MPPED1: variants seen among roughly 807,000 people sequenced by gnomAD.
MPPED1 encodes the protein metallophosphoesterase domain containing 1.
Under a neutral mutation model 36.2 loss-of-function variants are expected in MPPED1, and 16 were observed. That is an observed-to-expected ratio of 0.44 (90% confidence interval 0.30 to 0.67). MPPED1 has a LOEUF of 0.67. MPPED1 is among the 30% of genes least tolerant of loss of function. MPPED1 has a pLI of 0.10. For synonymous variants in MPPED1, 199 were observed against 191.3 expected (o/e 1.04, Z -0.33); for missense variants, 307 against 453.4 (o/e 0.68, Z 2.93).
At chr22:43,475,488 A>ATGGTGG (rs1931518489) in intron 4 of MPPED1, among the ~76,000 whole-genome samples, 1 of 3,420 alleles carries the variant, frequency 2.9e-4, no homozygotes, top group Non-Finnish European at 6.7e-4. Flanking sequence ...GGTGATGGTG[A>ATGGTGG]TGATGGTGGT....
chr22:43,488,374 G>C (rs1931979932), intron 4 of MPPED1, among the ~76,000 whole-genome samples: 1 of 152,224 alleles, frequency 6.6e-6, no homozygotes, highest in Admixed American at 6.5e-5. Context: ...GGGAGGCAGA[G>C]AACCCGAGCA....
At chr22:43,452,960 C>CT (rs35359750) in intron 3 of MPPED1, among the ~76,000 whole-genome samples, 58,707 of 144,250 alleles carry the variant, frequency 0.41, 12,002 homozygotes, top group East Asian at 0.67. Flanking sequence ...TTTAGTCTTA[C>CT]TTTTTTTTTT....
In MPPED1 at chr22:43,498,098, T is replaced by C. The variant is rs931384135; in HGVS notation, c.633-137T>C. The C allele has an allele frequency of 9.9e-6, 6 of 605,116 alleles. No individual in the cohort carries two copies. In the African/African-American group the frequency reaches 1.1e-4, roughly 11 times the overall value. The allele number at this position is 605,116 out of a possible 1,614,324, so 37.5% of individuals were successfully genotyped here. A position where few individuals can be genotyped will look rare whatever the true frequency, so the allele number is the denominator to read the frequency against. Reference sequence around the variant, plus strand: ...AGTCCTGGTGAGTCCCTGCCTTCCCTAGGTGGAGACCTTCCCTGGGTCTCC... The same window carrying C: ...AGTCCTGGTGAGTCCCTGCCTTCCCCAGGTGGAGACCTTCCCTGGGTCTCC... On this transcript the variant is annotated intron_variant, in intron 4 of 6. Coordinates refer to ENST00000443721, the MANE Select transcript of MPPED1 (RefSeq NM_001044370.2).
intron 3 of MPPED1, among the ~76,000 whole-genome samples, chr22:43,460,791 T>C (rs1428017435): frequency 1.3e-5 from 2 of 152,162 alleles, no homozygotes; most frequent in Non-Finnish European, 2.9e-5. Flanking sequence ...AAGCCTTCAC[T>C]TCTTGCATGT....
chr22:43,413,187 G>T (rs1405023518), intron 1 of MPPED1, among the ~76,000 whole-genome samples: 1 of 152,218 alleles, frequency 6.6e-6, no homozygotes, highest in Non-Finnish European at 1.5e-5. Flanking sequence ...GAATGGCCCA[G>T]AGGAGAGCTT....
intron 3 of MPPED1, among the ~76,000 whole-genome samples, chr22:43,449,885 A>G (rs1453748401): frequency 6.6e-6 from 1 of 152,216 alleles, no homozygotes; most frequent in Non-Finnish European, 1.5e-5. Context: ...GCGATGCAGC[A>G]TAAACTCTTC....
chr22:43,416,072 A>G (rs962283572), intron 1 of MPPED1, among the ~76,000 whole-genome samples: 7 of 152,184 alleles, frequency 4.6e-5, no homozygotes, highest in African/African-American at 1.7e-4. Context: ...CCTTCCTGCA[A>G]CCTGCCTTTC....
rs545410289 is a variant in MPPED1, at chr22:43,489,919, A to G, written c.633-8316A>G. Among the ~76,000 whole-genome samples the G allele has an allele frequency of 2.0e-4, 30 of 152,302 alleles. No individual in the cohort carries two copies. The South Asian group carries it at 3.1e-3, about 16-fold the overall frequency. ...CATTTTCACAGTGGTGGTGCCGTCT[A>G]ATCCTCCTAACTGCTCTCCTCCTCC... On this transcript the variant is annotated intron_variant, in intron 4 of 6. Coordinates refer to ENST00000443721, the MANE Select transcript of MPPED1 (RefSeq NM_001044370.2).
intron 3 of MPPED1, among the ~76,000 whole-genome samples, chr22:43,435,751 G>C (rs1037275832): frequency 6.6e-6 from 1 of 152,160 alleles, no homozygotes; most frequent in Non-Finnish European, 1.5e-5. Flanking sequence ...CAGCTACATC[G>C]GAGGCTGAGG....
chr22:43,488,913 G>A (rs1372745630), intron 4 of MPPED1, among the ~76,000 whole-genome samples: 1 of 152,224 alleles, frequency 6.6e-6, no homozygotes, highest in Admixed American at 6.5e-5. Context: ...GGTGAGGTTG[G>A]GTCCAGGCAC....
intron 3 of MPPED1, among the ~76,000 whole-genome samples, chr22:43,436,277 G>A (rs2146835657): frequency 6.6e-6 from 1 of 152,346 alleles, no homozygotes; most frequent in Non-Finnish European, 1.5e-5. Flanking sequence ...AGGCGTGGGT[G>A]CGGGGCCGCT....
chr22:43,418,145 G>A (rs1209711912), intron 1 of MPPED1: 1 of 456,292 alleles, frequency 2.2e-6, no homozygotes, highest in Non-Finnish European at 4.4e-6. Flanking sequence ...TGCCTTACCG[G>A]CCTGGCACTG....
chr22:43,480,812 T>C (rs1331397238), intron 4 of MPPED1, among the ~76,000 whole-genome samples: 1 of 151,330 alleles, frequency 6.6e-6, no homozygotes, highest in Non-Finnish European at 1.5e-5. Context: ...ACTTATTTCT[T>C]TTTCTTTTCT....
chr22:43,438,494 G>C (rs1471654079), intron 3 of MPPED1, among the ~76,000 whole-genome samples: 1 of 151,986 alleles, frequency 6.6e-6, no homozygotes, highest in African/African-American at 2.4e-5. Context: ...CTAAGGGCAG[G>C]GGGAGCTTTG....
chr22:43,490,716 C>G (rs1372151413), intron 4 of MPPED1, among the ~76,000 whole-genome samples: 1 of 152,202 alleles, frequency 6.6e-6, no homozygotes, highest in Non-Finnish European at 1.5e-5. Flanking sequence ...GAAGGCACCA[C>G]CAGAAATGTG....
intron 3 of MPPED1, among the ~76,000 whole-genome samples, chr22:43,447,883 A>ATATATTTTTTT (rs1321289636): frequency 1.5e-5 from 1 of 67,736 alleles, no homozygotes; most frequent in African/African-American, 6.7e-5. Context: ...ATATATATAT[A>ATATATTTTTTT]TTTTTTTTTT....
At chr22:43,469,577 C>T (rs377664143) in intron 3 of MPPED1, among the ~76,000 whole-genome samples, 25 of 133,596 alleles carry the variant, frequency 1.9e-4, no homozygotes, top group East Asian at 1.6e-3. Context: ...CTGCCCACTC[C>T]GTGATGGTCA....
chr22:43,452,818 G>A (rs535186157), intron 3 of MPPED1, among the ~76,000 whole-genome samples: 2 of 151,454 alleles, frequency 1.3e-5, no homozygotes, highest in Non-Finnish European at 2.9e-5. Flanking sequence ...TTGTAGAGAC[G>A]AGGTTTCCCT....
chr22:43,454,546 C>A (rs1015466789), intron 3 of MPPED1, among the ~76,000 whole-genome samples: 2 of 151,976 alleles, frequency 1.3e-5, no homozygotes, highest in South Asian at 4.2e-4. Flanking sequence ...TTCAAGGGAT[C>A]CTCCTGCTTT....
Sources: allele counts gnomAD v4.1 joint callset (sites outside exome capture counted in the v4.1 genomes callset), GRCh38; gene constraint gnomAD v4.1.1; transcripts MANE v1.5; gene names NCBI Gene and HGNC (gene_info 2026-07-23, HGNC 2026-07-21).